TSPAN14: variants seen among roughly 807,000 people sequenced by gnomAD.
TSPAN14 encodes the protein tetraspanin-14.
In TSPAN14, 16 loss-of-function variants were observed where a neutral mutation model predicts 36.6. The ratio of observed to expected loss-of-function variants is 0.44; its 90% confidence interval spans 0.30 to 0.66. TSPAN14 has a LOEUF of 0.66. TSPAN14 is among the 30% of genes least tolerant of loss of function. The probability of loss-of-function intolerance (pLI) is 0.12; values close to 1 mark genes in which losing one functional copy is unlikely to be tolerated. For missense variants in TSPAN14, 231 were observed against 355.1 expected (o/e 0.65, Z 2.81); for synonymous variants, 139 against 143.8 (o/e 0.97, Z 0.24).
chr10:80,503,120 TG>T (rs36017819), intron 2 of TSPAN14, among the ~76,000 whole-genome samples: 67,371 of 151,638 alleles, frequency 0.44, 15,587 homozygotes, highest in East Asian at 0.83. Flanking sequence ...ATAAGATGGG[TG>T]GGGATGGAGC....
chr10:80,502,954 A>AG (rs779848935), intron 2 of TSPAN14, among the ~76,000 whole-genome samples: 9 of 152,066 alleles, frequency 5.9e-5, no homozygotes, highest in Non-Finnish European at 1.2e-4. Flanking sequence ...GAAGGCAGTC[A>AG]GGGGCATATG....
chr10:80,512,959 G>A (rs1210529672), intron 6 of TSPAN14, among the ~76,000 whole-genome samples: 3 of 152,016 alleles, frequency 2.0e-5, no homozygotes, highest in South Asian at 4.2e-4. Flanking sequence ...GCAGTGGTGC[G>A]ATCTCAGCTC....
At chr10:80,456,218 G>T (rs1845728372) in intron 1 of TSPAN14, among the ~76,000 whole-genome samples, 1 of 152,182 alleles carries the variant, frequency 6.6e-6, no homozygotes, top group South Asian at 2.1e-4. Flanking sequence ...ATCTGAGCTT[G>T]ATCTCAGCGT....
intron 2 of TSPAN14, among the ~76,000 whole-genome samples, chr10:80,492,093 C>T (rs1017488926): frequency 2.0e-5 from 3 of 152,182 alleles, no homozygotes; most frequent in Admixed American, 6.5e-5. Flanking sequence ...CAGTGTTTTC[C>T]TTGTGATGTA....
At chr10:80,489,377 C>T in intron 2 of TSPAN14, 63 bp downstream of exon 2, 1 of 1,168,658 alleles carries the variant, frequency 8.6e-7, no homozygotes, top group South Asian at 1.3e-5. Context: ...TTATGGTTTT[C>T]CACACACTCT....
chr10:80,480,338 G>A (rs1847189217), intron 1 of TSPAN14, among the ~76,000 whole-genome samples: 1 of 152,170 alleles, frequency 6.6e-6, no homozygotes, highest in South Asian at 2.1e-4. Flanking sequence ...ATGTTGAACA[G>A]GAGTGGTGAG....
chr10:80,459,293 A>C (rs1374410225), intron 1 of TSPAN14: 1 of 152,444 alleles, frequency 6.6e-6, no homozygotes, highest in Admixed American at 6.5e-5. Context: ...CCAGAGCTTA[A>C]GTGGGCCTGG....
chr10:80,511,749 TC>T (rs1564745198), intron 5 of TSPAN14, among the ~76,000 whole-genome samples: 1 of 143,182 alleles, frequency 7.0e-6, no homozygotes, highest in Non-Finnish European at 1.5e-5. Flanking sequence ...TCTCTCTCTC[TC>T]TCTCTCTCTC....
rs74859587 is a variant in TSPAN14, at chr10:80,465,239, A to G, written c.-18+10868A>G. 2.6e-3 allele frequency among the ~76,000 whole-genome samples: 389 copies of G among 152,000 alleles called. 2 individuals carry two copies. Among genetic ancestry groups the G allele is most frequent in the African/African-American group, 8.4e-3 (348 of 41,470 alleles). ...GGGCCAGGCACGTGCCTGGGTTGCT[A>G]TTAGTCTCCCAGGCCCCCCACTTGC... On this transcript the variant is annotated intron_variant, in intron 1 of 8. Transcript: ENST00000429989.
chr10:80,470,108 CAG>C (rs1364796498), intron 1 of TSPAN14, among the ~76,000 whole-genome samples: 11 of 152,064 alleles, frequency 7.2e-5, no homozygotes, highest in African/African-American at 2.4e-4. Context: ...CTTTTTGAGA[CAG>C]AGTCTTGCTC....
At chr10:80,465,120 G>A (rs1273094862) in intron 1 of TSPAN14, among the ~76,000 whole-genome samples, 1 of 152,134 alleles carries the variant, frequency 6.6e-6, no homozygotes. Context: ...GCAAGGAGCA[G>A]GAGTGGCCGG....
chr10:80,455,025 C>T (rs1225720867), intron 1 of TSPAN14, among the ~76,000 whole-genome samples: 1 of 152,140 alleles, frequency 6.6e-6, no homozygotes, highest in Non-Finnish European at 1.5e-5. Flanking sequence ...TGTTTGGGAG[C>T]AAAGCCTGAC....
chr10:80,499,650 A>G (rs1263960469), intron 2 of TSPAN14, among the ~76,000 whole-genome samples: 4 of 152,238 alleles, frequency 2.6e-5, no homozygotes, highest in African/African-American at 9.6e-5. Flanking sequence ...GACCTTGGGC[A>G]AAGGACCAAA....
intron 2 of TSPAN14, among the ~76,000 whole-genome samples, chr10:80,502,692 G>A (rs75702394): frequency 0.077 from 11,678 of 152,162 alleles, 511 homozygotes; most frequent in South Asian, 0.16. Flanking sequence ...GCGTAGTGGG[G>A]CACAGTAAGA....
exon 9 of TSPAN14, chr10:80,520,396 C>A: frequency 2.5e-6 from 1 of 402,744 alleles, no homozygotes; most frequent in South Asian, 1.9e-5. Context: ...TGGCAGTCTC[C>A]GCCCAGCATC....
rs1173560729 is a variant in TSPAN14 at position 80,511,780 on chromosome 10, T to TTCTTTCTCTCCTTTTC, written c.451-353_451-338dup. ...TCTCTCTCTCTCTCTCTCCCCTTTT[T>TTCTTTCTCTCCTTTTC]TCTTTCTCTCCTTTTCTCTTTCTCT... On this transcript the variant is annotated intron_variant, in intron 5 of 8. Transcript: ENST00000429989. 1.6e-4 allele frequency among the ~76,000 whole-genome samples: 23 copies of TTCTTTCTCTCCTTTTC among 139,532 alleles called. No individual in the cohort carries two copies. The East Asian group carries it at 5.6e-3, about 34-fold the overall frequency. 91.5% of individuals were successfully genotyped at this position (139,532 alleles called of 152,430 possible). A position where few individuals can be genotyped will look rare whatever the true frequency, so the allele number is the denominator to read the frequency against.
intron 1 of TSPAN14, among the ~76,000 whole-genome samples, chr10:80,467,078 G>A (rs1846287007): frequency 6.6e-6 from 1 of 152,176 alleles, no homozygotes; most frequent in South Asian, 2.1e-4. Flanking sequence ...TGTCTGGCAT[G>A]GCCTTCAGTC....
rs117149620 is a variant in TSPAN14, at chr10:80,472,681, T to C, written c.-17-16536T>C. On this transcript the variant is annotated intron_variant, in intron 1 of 8. Coordinates refer to ENST00000429989, the Ensembl canonical transcript of TSPAN14. ...ACTATACAGAACTGCTGTAGCTATGTATCATTGTGCTACACATAACTTTTC... is the reference window on the plus strand; with the variant it reads ...ACTATACAGAACTGCTGTAGCTATGCATCATTGTGCTACACATAACTTTTC... Among the ~76,000 whole-genome samples the C allele has an allele frequency of 4.2e-3, 636 of 152,384 alleles. 4 individuals are homozygous for C. Among genetic ancestry groups the C allele is most frequent in the South Asian group, 0.011 (53 of 4,830 alleles).
intron 1 of TSPAN14, among the ~76,000 whole-genome samples, chr10:80,488,138 G>T (rs921077825): frequency 6.6e-6 from 1 of 152,156 alleles, no homozygotes; most frequent in South Asian, 2.1e-4. Flanking sequence ...GAAGTGGGGG[G>T]TGAGCAGGGG....
Sources: allele counts gnomAD v4.1 joint callset (sites outside exome capture counted in the v4.1 genomes callset), GRCh38; gene constraint gnomAD v4.1.1; transcripts MANE v1.5; gene names NCBI Gene and HGNC (gene_info 2026-07-23, HGNC 2026-07-21).